ZNF541: variants seen among roughly 807,000 people sequenced by gnomAD.
The protein encoded by ZNF541 is zinc finger protein 541.
A neutral mutation model predicts 123.5 loss-of-function variants in ZNF541; 23 were observed. The ratio of observed to expected loss-of-function variants is 0.19; its 90% CI spans 0.13 to 0.26. ZNF541 has a LOEUF of 0.26. ZNF541 is among the 10% of genes least tolerant of loss of function. The probability of loss-of-function intolerance (pLI) is 1.00; values close to 1 mark genes in which losing one functional copy is unlikely to be tolerated. For synonymous variants in ZNF541, 751 were observed against 754.5 expected, an observed-to-expected ratio of 1.00 and a Z score of 0.08; for missense variants, 1,612 against 1,789.9, an observed-to-expected ratio of 0.90 and a Z score of 1.79.
rs1277351124 is a variant in ZNF541, at chr19:47,521,671, A to G, written c.3712-17T>C. On this transcript the variant is annotated splice_polypyrimidine_tract_variant and intron_variant, in intron 15 of 16. Coordinates refer to ENST00000391901, the MANE Select transcript of ZNF541 (RefSeq NM_001277075.3). The surrounding 1 kb of genome is among the most constrained non-coding windows in gnomAD (Gnocchi z 4.2). Reference sequence around the variant, plus strand: ...GCATGGGACCTGCAGAGGGAGCAAAAGTGACATAAGGGTGCTGACCTGTCC... The same window carrying G: ...GCATGGGACCTGCAGAGGGAGCAAAGGTGACATAAGGGTGCTGACCTGTCC... The G allele has an allele frequency of 6.4e-7, 1 of 1,550,872 alleles. No individual in the cohort carries two copies. Among genetic ancestry groups the G allele is most frequent in the Non-Finnish European group, 8.7e-7 (1 of 1,146,598 alleles).
At chr19:47,570,216 G>A (rs1327775561) in intron 2 of ZNF541, among the ~76,000 whole-genome samples, 1 of 151,648 alleles carries the variant, frequency 6.6e-6, no homozygotes, top group Non-Finnish European at 1.5e-5. Context: ...AGAGCTTGCA[G>A]CAAGCCGAGA....
intron 9 of ZNF541, among the ~76,000 whole-genome samples, chr19:47,537,086 G>C (rs1176261814): frequency 6.6e-6 from 1 of 152,216 alleles, no homozygotes; most frequent in Non-Finnish European, 1.5e-5. Flanking sequence ...AGAAGGGACT[G>C]TGGGGATATG....
At chr19:47,537,673 C>T (rs1293985945) in intron 9 of ZNF541, among the ~76,000 whole-genome samples, 3 of 151,484 alleles carry the variant, frequency 2.0e-5, no homozygotes, top group East Asian at 3.9e-4. Flanking sequence ...TCCAGGAGCT[C>T]GAGACCAGCC....
At chr19:47,538,870 T>TC (rs1286320614) in intron 8 of ZNF541, among the ~76,000 whole-genome samples, 1 of 151,794 alleles carries the variant, frequency 6.6e-6, no homozygotes, top group East Asian at 1.9e-4. Context: ...CAGTAGGGGG[T>TC]CCTCCAGTAC....
chr19:47,532,893 A>T lies in ZNF541; in HGVS notation c.3158+16T>A. 1.9e-6 allele frequency: 3 copies of T among 1,549,034 alleles called. No homozygotes were observed. Among genetic ancestry groups the T allele is most frequent in the South Asian group, 2.4e-5 (2 of 83,746 alleles). ...GGTGGGGTAAAAGCAGCTTCACTGG[A>T]AAGGACCCAACTTACGGCTCAATGC... On this transcript the variant is annotated intron_variant, in intron 10 of 16. Coordinates refer to ENST00000391901, the MANE Select transcript of ZNF541 (RefSeq NM_001277075.3).
intron 2 of ZNF541, among the ~76,000 whole-genome samples, chr19:47,557,052 C>A (rs1191066478): frequency 2.0e-5 from 3 of 152,156 alleles, no homozygotes; most frequent in Admixed American, 6.6e-5. Context: ...GCCACTGAGT[C>A]CAGCCTGGAA....
intron 14 of ZNF541, among the ~76,000 whole-genome samples, chr19:47,526,662 G>C (rs1969312891): frequency 6.6e-6 from 1 of 152,116 alleles, no homozygotes; most frequent in East Asian, 1.9e-4. Flanking sequence ...GAGAATGGCT[G>C]GAATTAAAAG....
At chr19:47,562,405 G>T (rs972893540) in intron 2 of ZNF541, among the ~76,000 whole-genome samples, 1 of 151,812 alleles carries the variant, frequency 6.6e-6, no homozygotes, top group Non-Finnish European at 1.5e-5. Context: ...TTAGCTGGGC[G>T]TGGTGGTGTG....
intron 2 of ZNF541, among the ~76,000 whole-genome samples, chr19:47,570,525 T>A (rs1241003711): frequency 7.8e-6 from 1 of 128,814 alleles, no homozygotes; most frequent in African/African-American, 3.0e-5. Context: ...TGCAGTGAGC[T>A]GAGATAGTGC....
At position 47,566,875 on chromosome 19, in the gene ZNF541, C is replaced by A. The variant is rs559278108; in HGVS notation, c.-99+5021G>T. On this transcript the variant is annotated intron_variant, in intron 2 of 16. Transcript: ENST00000391901. ...GACCATCCTGGCTAACATGGTGAAA[C>A]CCCGTCTTTACTAAAAATACAAAAA... is the stretch of plus-strand genomic sequence containing the variant. Among the ~76,000 whole-genome samples, 5 of 151,716 alleles carry A rather than the reference C, an allele frequency of 3.3e-5. No individual in the cohort carries two copies. In the South Asian group the frequency reaches 1.0e-3, roughly 32 times the overall value.
intron 14 of ZNF541, among the ~76,000 whole-genome samples, chr19:47,526,221 C>T (rs1050115003): frequency 6.6e-6 from 1 of 152,218 alleles, no homozygotes. Context: ...GTGGCTCACG[C>T]CTGTAATCCC....
At chr19:47,564,216 C>G (rs1372642568) in intron 2 of ZNF541, among the ~76,000 whole-genome samples, 1 of 152,132 alleles carries the variant, frequency 6.6e-6, no homozygotes, top group Non-Finnish European at 1.5e-5. Context: ...CTCTGGACTC[C>G]CCAAGGCCAA....
chr19:47,541,014 TAC>T (rs1970058507), intron 5 of ZNF541, 63 bp from the exon 6 acceptor site: 3 of 1,458,658 alleles, frequency 2.1e-6, no homozygotes, highest in Admixed American at 2.2e-5. Context: ...GAGCTCAAAT[TAC>T]AGACTTTTAG....
intron 14 of ZNF541, among the ~76,000 whole-genome samples, chr19:47,528,686 T>C (rs576048095): frequency 6.6e-6 from 1 of 152,112 alleles, no homozygotes; most frequent in African/African-American, 2.4e-5. Context: ...GCCTGTTGCT[T>C]GGTGGAATAG....
intron 14 of ZNF541, among the ~76,000 whole-genome samples, chr19:47,527,781 C>A (rs1969365759): frequency 6.6e-6 from 1 of 151,834 alleles, no homozygotes; most frequent in Non-Finnish European, 1.5e-5. Flanking sequence ...CTCACCGCAA[C>A]CTCCGCTTCC....
At chr19:47,541,036 T>A in intron 5 of ZNF541, 85 bp from the exon 6 acceptor site, 1 of 1,271,960 alleles carries the variant, frequency 7.9e-7, no homozygotes, top group South Asian at 1.4e-5. Context: ...GAAGAAAACA[T>A]CAGAGTAAAT....
chr19:47,540,150 C>G, intron 7 of ZNF541, 26 bp downstream of exon 7: 1 of 1,541,722 alleles, frequency 6.5e-7, no homozygotes, highest in Non-Finnish European at 8.7e-7. Context: ...CCAGTAACCA[C>G]CAAGCCACTG....
intron 3 of ZNF541, among the ~76,000 whole-genome samples, chr19:47,550,608 G>A (rs2123226923): frequency 6.6e-6 from 1 of 152,292 alleles, no homozygotes; most frequent in East Asian, 1.9e-4. Context: ...AAGGAACTGG[G>A]AATATTCAGT....
intron 9 of ZNF541, among the ~76,000 whole-genome samples, chr19:47,533,916 T>C (rs1969698711): frequency 6.6e-6 from 1 of 152,202 alleles, no homozygotes; most frequent in Admixed American, 6.5e-5. Context: ...CCTGCTCCCT[T>C]ACCCAGCCAG....
Sources: gnomAD v4.1 joint callset for allele counts (sites outside exome capture counted in the v4.1 genomes callset) on GRCh38, gnomAD v4.1.1 for gene constraint, Gnocchi (gnomAD v3.1) non-coding constraint, MANE v1.5 for transcripts, NCBI Gene and HGNC (gene_info 2026-07-23, HGNC 2026-07-21) for gene names.